Variants in NAGPA observed in about 807,000 individuals in gnomAD.
NAGPA encodes alpha-N-acetylglucosaminyl phosphodiesterase.
In NAGPA, 56 loss-of-function variants were observed where a neutral mutation model predicts 48.5. That is an observed-to-expected ratio of 1.15 (90% CI 0.93 to 1.44). The LOEUF (loss-of-function observed/expected upper bound fraction) is 1.44, where lower values mean the gene tolerates loss of function less well. NAGPA is among the 40% of genes most tolerant of loss of function. The probability of loss-of-function intolerance (pLI) is 0.00; values close to 1 mark genes in which losing one functional copy is unlikely to be tolerated. For synonymous variants in NAGPA, 399 were observed against 315.5 expected, an observed-to-expected ratio of 1.26 and a Z score of -2.81; for missense variants, 888 against 735.0, an observed-to-expected ratio of 1.21 and a Z score of -2.41.
intron 2 of NAGPA, among the ~76,000 whole-genome samples, chr16:5,032,490 CGTT>C (rs1956118343): frequency 7.9e-6 from 1 of 126,626 alleles, no homozygotes; most frequent in South Asian, 2.7e-4. Context: ...CCCACTCCCC[CGTT>C]CCCCACCCCA....
At chr16:5,031,566 T>C (rs1333333442) in intron 3 of NAGPA, 179 bp downstream of exon 3, 5 of 805,318 alleles carry the variant, frequency 6.2e-6, no homozygotes, top group South Asian at 1.5e-5. Flanking sequence ...TCTATAACTA[T>C]TTTTTGTCCT....
At chr16:5,030,781 C>G in intron 3 of NAGPA, 2 of 484,814 alleles carry the variant, frequency 4.1e-6, no homozygotes, top group South Asian at 4.1e-5. Flanking sequence ...TCCCCAGCCT[C>G]TTCCTCCTCC....
In NAGPA at chr16:5,033,678, C is replaced by T; in HGVS notation, c.137G>A (p.Arg46His). Residue 46 changes from arginine to histidine, a missense_variant, in exon 2 of 10, where the codon CGC (arginine) becomes CAC (histidine). Coordinates refer to ENST00000312251, the MANE Select transcript of NAGPA (RefSeq NM_016256.4). The surrounding 1 kb of genome is among the most constrained non-coding windows in gnomAD (Gnocchi z 4.2). Reference sequence around the variant, plus strand: ...CACCCGTGTGCAGTCCCGGGGGAGGCGCGCGCGCGCGCGTGGATAGGGCAG... The same window carrying T: ...CACCCGTGTGCAGTCCCGGGGGAGGTGCGCGCGCGCGCGTGGATAGGGCAG... ...LLLPYPRARARLPRDCTRVRA... is the reference protein window; with the variant it reads ...LLLPYPRARAHLPRDCTRVRA... The T allele has an allele frequency of 1.3e-6, 2 of 1,515,410 alleles. No individual in the cohort carries two copies. The highest frequency in any genetic ancestry group is 1.8e-6 in the Non-Finnish European group (2 of 1,132,118). The allele number at this position is 1,515,410 out of a possible 1,614,324, so 93.9% of individuals were successfully genotyped here. A position where few individuals can be genotyped will look rare whatever the true frequency, so the allele number is the denominator to read the frequency against.
In NAGPA at chr16:5,033,850, G is replaced by A; in HGVS notation, c.65C>T (p.Ala22Val). The A allele has an allele frequency of 6.5e-7, 1 of 1,549,808 alleles. No homozygotes were observed. The highest frequency in any genetic ancestry group is 1.4e-5 in the African/African-American group (1 of 73,160). The change falls in exon 1 of 10, where the codon GCG (alanine) becomes GTG (valine). Residue 22 changes from alanine to valine, a missense_variant. Physicochemically the swap from Ala to Val is moderately conservative, Grantham distance 64. Transcript: ENST00000312251. The surrounding 1 kb of genome is among the most constrained non-coding windows in gnomAD (Gnocchi z 4.2). Reference protein sequence around the residue: ...RLALFGFLWEASGGLDSGASR... With the variant: ...RLALFGFLWEVSGGLDSGASR... ...TCACCCCGAGTCGAGGCCGCCGGAC[G>A]CTTCCCAGAGGAAGCCGAATAGTGC...
At chr16:5,027,434 G>A (rs552468391) in intron 7 of NAGPA, 55 bp from the exon 8 acceptor site, 2 of 1,568,898 alleles carry the variant, frequency 1.3e-6, no homozygotes, top group East Asian at 2.2e-5. Flanking sequence ...GGGGCCTCCA[G>A]TGTCAGAGCC....
chr16:5,029,136 A>G, intron 4 of NAGPA, 128 bp from the exon 5 acceptor site: 1 of 1,488,090 alleles, frequency 6.7e-7, no homozygotes, highest in Non-Finnish European at 9.2e-7. Flanking sequence ...CCCCGCCCCC[A>G]AGCATGTCTC....
At position 5,028,134 on chromosome 16, in the gene NAGPA, C is replaced by T. The variant is rs745315182; in HGVS notation, c.972G>A (p.Val324=). 6.3e-7 allele frequency: 1 copy of T among 1,596,570 alleles called. No homozygotes were observed. The highest frequency in any genetic ancestry group is 1.1e-5 in the South Asian group (1 of 89,038). Residue 324 remains valine (V), a synonymous_variant, in exon 6 of 10, where the codon GTG becomes GTA. Transcript: ENST00000312251. ...CPRQVSTVVC[V]HEPRCQPPDC... Reference sequence around the variant, plus strand: ...CAGGCGGCTGGCAGCGGGGTTCGTGCACACACACCACGGTGGACACTTGGC... The same window carrying T: ...CAGGCGGCTGGCAGCGGGGTTCGTGTACACACACCACGGTGGACACTTGGC...
intron 9 of NAGPA, 112 bp downstream of exon 9, chr16:5,027,022 TA>T: frequency 1.5e-6 from 2 of 1,347,074 alleles, no homozygotes; most frequent in Non-Finnish European, 2.1e-6. Flanking sequence ...CCGCTTCCTC[TA>T]AGGCAGGGAG....
intron 3 of NAGPA, 172 bp from the exon 4 acceptor site, chr16:5,030,665 G>T: frequency 1.5e-6 from 1 of 673,642 alleles, no homozygotes; most frequent in Non-Finnish European, 2.7e-6. Flanking sequence ...CAGGGCAGCC[G>T]GGGGGTCTCT....
At position 5,028,992 on chromosome 16, in the gene NAGPA, T is replaced by C. The variant is rs1195452454; in HGVS notation, c.808A>G (p.Met270Val). Residue 270 changes from methionine to valine, a missense_variant, in exon 5 of 10, where the codon ATG becomes GTG. Coordinates refer to ENST00000312251, the MANE Select transcript of NAGPA (RefSeq NM_016256.4). Reference sequence around the variant, plus strand: ...TCCTGTTTCAGCAGGAACTCCGCCATTTCCCACAGGTTGATGCTGCGGCAC... The same window carrying C: ...TCCTGTTTCAGCAGGAACTCCGCCACTTCCCACAGGTTGATGCTGCGGCAC... ...TEQRGINLWEMAEFLLKQDVV... is the reference protein window; with the variant it reads ...TEQRGINLWEVAEFLLKQDVV... 2 of 1,613,666 alleles carry C rather than the reference T, an allele frequency of 1.2e-6. No homozygotes were observed. The highest frequency in any genetic ancestry group is 1.7e-6 in the Non-Finnish European group (2 of 1,180,036).
chr16:5,033,346 G>T lies in NAGPA; in HGVS notation c.469C>A (p.Arg157=). Reference sequence around the variant, plus strand: ...AGCCCCCCGGAGCTGCTCACCCGCCGCTCGTCGCTCACCACGTTCCCCAGG... The same window carrying T: ...AGCCCCCCGGAGCTGCTCACCCGCCTCTCGTCGCTCACCACGTTCCCCAGG... ...ECLGNVVSDE[R]RVSSSGGLQN... The change falls in exon 2 of 10, where the codon CGG becomes AGG. Residue 157 remains arginine (R), a synonymous_variant. Coordinates refer to ENST00000312251, the MANE Select transcript of NAGPA (RefSeq NM_016256.4). The surrounding 1 kb of genome is among the most constrained non-coding windows in gnomAD (Gnocchi z 4.2). The T allele has an allele frequency of 6.3e-7, 1 of 1,597,976 alleles. No homozygotes were observed. The highest frequency in any genetic ancestry group is 8.5e-7 in the Non-Finnish European group (1 of 1,179,616).
At position 5,033,020 on chromosome 16, in the gene NAGPA, G is replaced by A; in HGVS notation, c.542+253C>T. 2 of 583,058 alleles carry A rather than the reference G, an allele frequency of 3.4e-6. No homozygotes were observed. The highest frequency in any genetic ancestry group is 1.9e-5 in the African/African-American group (1 of 53,168). The allele number at this position is 583,058 out of a possible 1,614,324, so 36.1% of individuals were successfully genotyped here. ...CTTTTGTTGATTTTTCTAGTAATGG[G>A]GGAGGGCTGTTAAGGCAAAGACTGT... On this transcript the variant is annotated intron_variant, in intron 2 of 9. Transcript: ENST00000312251. The surrounding 1 kb of genome is among the most constrained non-coding windows in gnomAD (Gnocchi z 4.2).
intron 7 of NAGPA, 96 bp from the exon 8 acceptor site, chr16:5,027,475 C>T: frequency 7.7e-7 from 1 of 1,298,574 alleles, no homozygotes; most frequent in Non-Finnish European, 1.1e-6. Context: ...CCTGCCCCTG[C>T]CCATGTGTAC....
In NAGPA at chr16:5,027,978, A is replaced by G; in HGVS notation, c.1126+2T>C. ...AGCCCCCTCCCCAGAACCCCCACTC[A>G]CTCTCCGTGCACAGTCCGTGCTGGC... On this transcript the variant is annotated splice_donor_variant, in intron 6 of 9. Coordinates refer to ENST00000312251, the MANE Select transcript of NAGPA (RefSeq NM_016256.4). LOFTEE classifies it high-confidence loss of function. The G allele has an allele frequency of 6.4e-7, 1 of 1,552,660 alleles. No homozygotes were observed.
intron 6 of NAGPA, 35 bp from the exon 7 acceptor site, chr16:5,027,928 C>T: frequency 6.2e-7 from 1 of 1,612,766 alleles, no homozygotes; most frequent in Middle Eastern, 1.7e-4. Flanking sequence ...CAGGTGAGGG[C>T]CTAGGGCAAG....
chr16:5,027,936 A>G (rs1368765373), intron 6 of NAGPA, 43 bp from the exon 7 acceptor site: 1 of 1,613,456 alleles, frequency 6.2e-7, no homozygotes, highest in Admixed American at 1.7e-5. Flanking sequence ...GGCCTAGGGC[A>G]AGGCAGGGCT....
chr16:5,031,301 T>C, intron 3 of NAGPA: 1 of 260,746 alleles, frequency 3.8e-6, no homozygotes, highest in Non-Finnish European at 7.5e-6. Context: ...CCAGTGGTTC[T>C]CAACCTTGAG....
chr16:5,030,375 C>G lies in NAGPA; in HGVS notation c.791+10G>C. 2 of 1,550,672 alleles carry G rather than the reference C, an allele frequency of 1.3e-6. No homozygotes were observed. Among genetic ancestry groups the G allele is most frequent in the Non-Finnish European group, 1.7e-6 (2 of 1,146,858 alleles). ...GCCCCGGCCGGGGGGCCTCAGCTCC[C>G]AGGACTCACCCACGCTGCTCCGTTT... On this transcript the variant is annotated intron_variant, in intron 4 of 9. Coordinates refer to ENST00000312251, the MANE Select transcript of NAGPA (RefSeq NM_016256.4).
At chr16:5,030,150 T>A (rs1280879332) in intron 4 of NAGPA, 1 of 591,474 alleles carries the variant, frequency 1.7e-6, no homozygotes, top group African/African-American at 1.9e-5. Flanking sequence ...TTTCCTTGTA[T>A]CCTATCTAGG....
Sources: gnomAD v4.1 joint callset for allele counts (sites outside exome capture counted in the v4.1 genomes callset) on GRCh38, gnomAD v4.1.1 for gene constraint, Gnocchi (gnomAD v3.1) non-coding constraint, MANE v1.5 for transcripts, NCBI Gene and HGNC (gene_info 2026-07-23, HGNC 2026-07-21) for gene names.